Variants in CADM2 observed in about 807,000 individuals in gnomAD.
The protein encoded by CADM2 is immunoglobulin superfamily member 4D.
CADM2 carries 12 observed loss-of-function variants against 49.8 expected under a neutral mutation model. The ratio of observed to expected loss-of-function variants is 0.24; its 90% CI spans 0.15 to 0.39. The LOEUF (loss-of-function observed/expected upper bound fraction) is 0.39, where lower values mean the gene tolerates loss of function less well. CADM2 is among the 10% of genes least tolerant of loss of function. CADM2 has a pLI of 1.00. For synonymous variants in CADM2, 214 were observed against 175.4 expected (o/e 1.22, Z -1.74); for missense variants, 378 against 492.3 (o/e 0.77, Z 2.20).
intron 1 of CADM2, among the ~76,000 whole-genome samples, chr3:85,457,525 C>A (rs925460083): frequency 3.3e-5 from 5 of 151,970 alleles, no homozygotes; most frequent in African/African-American, 1.2e-4. Context: ...CCTTTTCTAC[C>A]CTGCTTTCTC....
At chr3:85,221,622 C>A (rs373744496) in intron 1 of CADM2, among the ~76,000 whole-genome samples, 1 of 151,956 alleles carries the variant, frequency 6.6e-6, no homozygotes, top group African/African-American at 2.4e-5. Context: ...ATAAGCAGGG[C>A]ATGAGAAATG....
chr3:85,714,567 C>T (rs2067222213), intron 1 of CADM2, among the ~76,000 whole-genome samples: 1 of 151,970 alleles, frequency 6.6e-6, no homozygotes, highest in Admixed American at 6.6e-5. Context: ...ACTGGGACTA[C>T]AGACACCCGC....
chr3:85,776,335 T>TCA (rs1553684721), intron 2 of CADM2, among the ~76,000 whole-genome samples: 1 of 101,438 alleles, frequency 9.9e-6, no homozygotes, highest in Non-Finnish European at 2.0e-5. Context: ...ACAAACTCTC[T>TCA]TACACACACA....
intron 1 of CADM2, among the ~76,000 whole-genome samples, chr3:85,376,093 A>G (rs892787177): frequency 3.9e-5 from 6 of 152,144 alleles, no homozygotes; most frequent in African/African-American, 1.4e-4. Context: ...AAAACTAATC[A>G]TTGTCAAAGA....
intron 1 of CADM2, among the ~76,000 whole-genome samples, chr3:85,402,373 A>G (rs1325854318): frequency 6.6e-6 from 1 of 152,070 alleles, no homozygotes; most frequent in Non-Finnish European, 1.5e-5. Flanking sequence ...ATATAGCTAC[A>G]CTAGCATTGG....
chr3:85,162,693 A>G (rs75326230), intron 1 of CADM2, among the ~76,000 whole-genome samples: 7,413 of 152,126 alleles, frequency 0.049, 252 homozygotes, highest in East Asian at 0.14. Flanking sequence ...AAATAGTAAT[A>G]TTTTTGAAGC....
rs568972953 is a variant in CADM2, at chr3:85,941,147, G to A, written c.791+5290G>A. ...ATAATGACAGTGTATATGAAATGTC[G>A]GCCTCCAAGTAATTGTATAATACAT... On this transcript the variant is annotated intron_variant, in intron 7 of 9. Coordinates refer to ENST00000383699, the MANE Select transcript of CADM2 (RefSeq NM_001167675.2). 6.0e-4 allele frequency among the ~76,000 whole-genome samples: 91 copies of A among 151,990 alleles called. 1 individual carries two copies. The highest frequency in any genetic ancestry group is 1.3e-3 in the African/African-American group (55 of 41,480).
At chr3:85,316,826 T>C (rs1166639120) in intron 1 of CADM2, among the ~76,000 whole-genome samples, 1 of 152,092 alleles carries the variant, frequency 6.6e-6, no homozygotes, top group African/African-American at 2.4e-5. Flanking sequence ...CAAAAGCGCG[T>C]ACATGCAGCT....
At chr3:85,289,310 G>A (rs2043715689) in intron 1 of CADM2, among the ~76,000 whole-genome samples, 1 of 152,114 alleles carries the variant, frequency 6.6e-6, no homozygotes, top group South Asian at 2.1e-4. Context: ...AAATCTCTAT[G>A]GAATTTCTTT....
At position 85,347,152 on chromosome 3, in the gene CADM2, G is replaced by T. The variant is rs113407180; in HGVS notation, c.62-379370G>T. Among the ~76,000 whole-genome samples, 558 of 140,722 alleles carry T rather than the reference G, an allele frequency of 4.0e-3. 2 individuals carry two copies. The highest frequency in any genetic ancestry group is 0.02 in the Middle Eastern group (5 of 252). 92.3% of individuals were successfully genotyped at this position (140,722 alleles called of 152,430 possible). A position where few individuals can be genotyped will look rare whatever the true frequency, so the allele number is the denominator to read the frequency against. ...GCAGGAGAATACTTGAATCCAGCCG[G>T]CAGAGGTTTTGGTGAGCTAAGATCG... On this transcript the variant is annotated intron_variant, in intron 1 of 9. Transcript: ENST00000383699.
chr3:84,965,331 G>A (rs1025462617), intron 1 of CADM2, among the ~76,000 whole-genome samples: 3 of 152,190 alleles, frequency 2.0e-5, no homozygotes, highest in African/African-American at 4.8e-5. Context: ...CAGGCCTAAT[G>A]TGCTCTGCAG....
rs144833538 is a variant in CADM2, at chr3:85,897,008, T to A, written c.529+10681T>A. On this transcript the variant is annotated intron_variant, in intron 5 of 9. Coordinates refer to ENST00000383699, the MANE Select transcript of CADM2 (RefSeq NM_001167675.2). ...CATGTATCTGTAATGTTCCTTATTATTAATAGAGTTTCAGAACCCGTGGGA... is the reference window on the plus strand; with the variant it reads ...CATGTATCTGTAATGTTCCTTATTAATAATAGAGTTTCAGAACCCGTGGGA... 5.1e-4 allele frequency among the ~76,000 whole-genome samples: 77 copies of A among 152,162 alleles called. 2 individuals carry two copies. The East Asian group carries it at 0.014, about 28-fold the overall frequency.
intron 8 of CADM2, among the ~76,000 whole-genome samples, chr3:86,033,409 T>G (rs1734771530): frequency 6.6e-6 from 1 of 151,874 alleles, no homozygotes; most frequent in South Asian, 2.1e-4. Flanking sequence ...TACCATTATT[T>G]CCTCTCAATT....
chr3:85,941,310 C>T (rs1721872157), intron 7 of CADM2, among the ~76,000 whole-genome samples: 1 of 152,032 alleles, frequency 6.6e-6, no homozygotes, highest in African/African-American at 2.4e-5. Flanking sequence ...ACTCTGACAA[C>T]TGAGTTATCA....
intron 1 of CADM2, among the ~76,000 whole-genome samples, chr3:85,538,877 C>A (rs536231132): frequency 6.7e-6 from 1 of 150,246 alleles, no homozygotes; most frequent in Non-Finnish European, 1.5e-5. Context: ...ACTATAATAT[C>A]GTGAGTTGAA....
intron 1 of CADM2, among the ~76,000 whole-genome samples, chr3:85,269,104 A>G (rs944497777): frequency 1.3e-5 from 2 of 151,454 alleles, no homozygotes; most frequent in East Asian, 3.9e-4. Context: ...AGTAGAGAAT[A>G]CTAGGAATAT....
chr3:85,092,603 G>A (rs933786620), intron 1 of CADM2, among the ~76,000 whole-genome samples: 2 of 152,144 alleles, frequency 1.3e-5, no homozygotes, highest in African/African-American at 4.8e-5. Flanking sequence ...GCTTTAGATT[G>A]CAAATCAGTT....
chr3:85,801,254 A>T (rs1278824718), intron 2 of CADM2, among the ~76,000 whole-genome samples: 5 of 152,192 alleles, frequency 3.3e-5, no homozygotes, highest in Non-Finnish European at 1.5e-5. Flanking sequence ...ACAAATTAGT[A>T]AAATGCTTAA....
At chr3:85,858,032 G>A (rs2108312929) in intron 3 of CADM2, among the ~76,000 whole-genome samples, 1 of 152,238 alleles carries the variant, frequency 6.6e-6, no homozygotes, top group Middle Eastern at 3.4e-3. Context: ...ATTTTACTTA[G>A]TTTTGTGTTA....
Sources: allele counts gnomAD v4.1 joint callset (sites outside exome capture counted in the v4.1 genomes callset), GRCh38; gene constraint gnomAD v4.1.1; transcripts MANE v1.5; gene names NCBI Gene and HGNC (gene_info 2026-07-23, HGNC 2026-07-21).